UNC45A: variants seen among roughly 807,000 people sequenced by gnomAD.
The protein encoded by UNC45A is unc-45 myosin chaperone A.
Under a neutral mutation model 103.2 loss-of-function variants are expected in UNC45A, and 78 were observed. That is an observed-to-expected ratio of 0.76 (90% CI 0.63 to 0.91). The LOEUF is 0.91. UNC45A is among the 40% of genes least tolerant of loss of function. The pLI, the probability that UNC45A is intolerant of heterozygous loss-of-function variation, is 0.00. For missense variants in UNC45A, 1,193 were observed against 1,224.8 expected (o/e 0.97, Z 0.39); for synonymous variants, 495 against 504.6 (o/e 0.98, Z 0.25).
chr15:90,930,648 C>G (rs1051755625), upstream of UNC45A: 1 of 153,542 alleles, frequency 6.5e-6, no homozygotes, highest in Non-Finnish European at 1.5e-5. Flanking sequence ...GGATTACAGG[C>G]GAGAGACACC....
rs949477787 is a variant in UNC45A at position 90,947,979 on chromosome 15, C to T, written c.1595+89C>T. On this transcript the variant is annotated intron_variant, in intron 11 of 19. Transcript: ENST00000418476. ...GGGTGGGGGTTGGGGCCTCCTCCGT[C>T]CTGCTCTCTGGCTCAGGCAGGGGCT... The T allele has an allele frequency of 8.0e-6, 11 of 1,372,302 alleles. No individual in the cohort carries two copies. In the African/African-American group the frequency reaches 9.0e-5, roughly 11 times the overall value. The allele number at this position is 1,372,302 out of a possible 1,614,324, so 85.0% of individuals were successfully genotyped here.
At chr15:90,941,843 C>T (rs996684068) in intron 6 of UNC45A, among the ~76,000 whole-genome samples, 5 of 151,508 alleles carry the variant, frequency 3.3e-5, no homozygotes, top group African/African-American at 1.2e-4. Context: ...CCTGTAATCC[C>T]AGTTACTCAG....
At chr15:90,934,451 C>T (rs2035909627), upstream of UNC45A, 1 of 399,020 alleles carries the variant, frequency 2.5e-6, no homozygotes, top group Non-Finnish European at 4.4e-6. Context: ...CCTACTGCTG[C>T]CACCTGCAGG....
chr15:90,932,477 G>C, upstream of UNC45A: 2 of 1,312,412 alleles, frequency 1.5e-6, no homozygotes, highest in Non-Finnish European at 9.7e-7. Context: ...TTCCGCCGCT[G>C]CTGCCGGTGC....
intron 14 of UNC45A, 46 bp from the exon 15 acceptor site, chr15:90,949,608 G>A (rs2036777715): frequency 6.2e-7 from 1 of 1,611,570 alleles, no homozygotes; most frequent in African/African-American, 1.3e-5. Context: ...GCGTCTGCCT[G>A]CCAGAGTCCC....
chr15:90,948,101 C>G (rs760633389), intron 11 of UNC45A, 41 bp from the exon 12 acceptor site: 1 of 1,611,334 alleles, frequency 6.2e-7, no homozygotes, highest in Non-Finnish European at 8.5e-7. Context: ...CCCTCCGTAC[C>G]CCCAATCCTG....
At position 90,951,168 on chromosome 15, in the gene UNC45A, T is replaced by C. The variant is rs1340358977; in HGVS notation, c.2303+553T>C. Reference sequence around the variant, plus strand: ...GATTATAGGCACGTGCTACCGCGCCTGGCTAATTTTTGTATTTTTGTAGAG... The same window carrying C: ...GATTATAGGCACGTGCTACCGCGCCCGGCTAATTTTTGTATTTTTGTAGAG... On this transcript the variant is annotated intron_variant, in intron 17 of 19. Transcript: ENST00000418476. 2.0e-5 allele frequency among the ~76,000 whole-genome samples: 3 copies of C among 152,298 alleles called. No individual in the cohort carries two copies. The East Asian group carries it at 5.8e-4, about 29-fold the overall frequency.
chr15:90,933,919 G>A (rs1228914334), upstream of UNC45A: 5 of 396,298 alleles, frequency 1.3e-5, no homozygotes, highest in Non-Finnish European at 2.2e-5. Flanking sequence ...CTTCAGGCTC[G>A]TATTAATGGT....
chr15:90,945,039 AC>A lies in UNC45A; in HGVS notation c.1176del (p.His392GlnfsTer44). 1.2e-6 allele frequency: 2 copies of A among 1,612,890 alleles called. No individual in the cohort carries two copies. The highest frequency in any genetic ancestry group is 8.5e-7 in the Non-Finnish European group (1 of 1,179,992). On this transcript the variant is annotated frameshift_variant, in exon 9 of 20. Transcript: ENST00000418476. LOFTEE classifies it high-confidence loss of function. ...LKCDAERENF[H>X]RLCENYIKSW... ...TGTGATGCGGAGAGGGAGAATTTCC[AC>A]AGACTTTGTGAAAACTACATCAAGT...
At chr15:90,937,487 A>AT (rs768059313) in intron 4 of UNC45A, among the ~76,000 whole-genome samples, 2,814 of 148,772 alleles carry the variant, frequency 0.019, 118 homozygotes, top group African/African-American at 0.065. Context: ...AAGGAAAATA[A>AT]TTGTTTTTTT....
rs1047210206 is a variant in UNC45A at position 90,946,962 on chromosome 15, C to G, written c.1500+48C>G. On this transcript the variant is annotated intron_variant, in intron 10 of 19. Transcript: ENST00000418476. The stretch of plus-strand genomic sequence containing the variant: ...GGTGGGCAGGCAGCCAGGCAGGGGT[C>G]CTGGTCCAGCCGGTGTTGCAGGGTG... 15 of 1,562,838 alleles carry G rather than the reference C, an allele frequency of 9.6e-6. 1 individual carries two copies. Among genetic ancestry groups the G allele is most frequent in the Non-Finnish European group, 1.3e-5 (15 of 1,149,162 alleles).
rs772873927 is a variant in UNC45A, at chr15:90,953,253, G to A, written c.2520G>A (p.Gly840=). 1 of 1,613,544 alleles carries A rather than the reference G, an allele frequency of 6.2e-7. No homozygotes were observed. Among genetic ancestry groups the A allele is most frequent in the African/African-American group, 1.3e-5 (1 of 74,924 alleles). ...DDELLQRAAA[G]GLAMLTSMRP... is the part of the protein sequence containing the mutation. The stretch of plus-strand genomic sequence containing the variant: ...AGCTGCTACAGCGGGCAGCTGCCGG[G>A]GGCTTGGCCATGCTTACCTCCATGC... The change falls in exon 19 of 20, where the codon GGG becomes GGA. Residue 840 remains glycine (G), a synonymous_variant. Coordinates refer to ENST00000418476, the MANE Select transcript of UNC45A (RefSeq NM_018671.5).
At chr15:90,942,888 C>T (rs1567153349) in intron 7 of UNC45A, 24 bp from the exon 8 acceptor site, 1 of 1,588,074 alleles carries the variant, frequency 6.3e-7, no homozygotes, top group East Asian at 2.2e-5. Flanking sequence ...GTGGAGCCCA[C>T]TGATGTCTTC....
At chr15:90,940,275 T>C in intron 5 of UNC45A, 31 bp from the exon 6 acceptor site, 1 of 1,598,114 alleles carries the variant, frequency 6.3e-7, no homozygotes, top group Non-Finnish European at 8.5e-7. Flanking sequence ...GTGTGCAGTG[T>C]CAACATTATA....
chr15:90,939,632 T>C, intron 4 of UNC45A, 99 bp from the exon 5 acceptor site: 1 of 1,305,060 alleles, frequency 7.7e-7, no homozygotes, highest in Non-Finnish European at 1.1e-6. Flanking sequence ...ACATCTTTAC[T>C]GTGCCTCCCA....
Position 90,939,935 on chromosome 15 carries a change from C to T in UNC45A, c.519+112C>T, listed in dbSNP as rs553362538. The T allele has an allele frequency of 1.0e-5, 10 of 986,628 alleles. No individual in the cohort carries two copies. The Admixed American group carries it at 2.1e-4, about 21-fold the overall frequency. 61.1% of individuals were successfully genotyped at this position (986,628 alleles called of 1,614,324 possible). The stretch of plus-strand genomic sequence containing the variant: ...CCGCTCCTCCAATCGTGCAGCTGGG[C>T]TCACGGGGCCTGGATGGGAGCTCTG... On this transcript the variant is annotated intron_variant, in intron 5 of 19. Transcript: ENST00000418476.
chr15:90,934,485 C>T (rs150830066), upstream of UNC45A: 155 of 399,042 alleles, frequency 3.9e-4, no homozygotes, highest in African/African-American at 2.9e-3. Context: ...CTGCTGCACC[C>T]GGGCTGAATT....
At chr15:90,932,454 C>A, upstream of UNC45A, 2 of 1,352,854 alleles carry the variant, frequency 1.5e-6, no homozygotes, top group Non-Finnish European at 1.9e-6. Context: ...TGTAGGGGGT[C>A]CCCTCGGGGT....
chr15:90,935,523 C>T (rs2151353376), intron 1 of UNC45A, 21 bp from the exon 2 acceptor site: 1 of 1,579,612 alleles, frequency 6.3e-7, no homozygotes, highest in East Asian at 2.2e-5. Context: ...TCCGACGTTT[C>T]CGCCCCCTTT....
Sources: gnomAD v4.1 joint callset for allele counts (sites outside exome capture counted in the v4.1 genomes callset) on GRCh38, gnomAD v4.1.1 for gene constraint, MANE v1.5 for transcripts, NCBI Gene and HGNC (gene_info 2026-07-23, HGNC 2026-07-21) for gene names.